The following DTNA variants were observed in gnomAD, a reference collection of about 807,000 sequenced individuals.
DTNA encodes dystrophin-related protein 3.
DTNA carries 43 observed loss-of-function variants against 100.7 expected under a neutral mutation model. The observed-to-expected ratio is 0.43, with a 90% CI of 0.33 to 0.55. The LOEUF is 0.55. DTNA is among the 20% of genes least tolerant of loss of function. The pLI, the probability that DTNA is intolerant of heterozygous loss-of-function variation, is 0.04. For synonymous variants in DTNA, 349 were observed against 347.9 expected (o/e 1.00, Z -0.04); for missense variants, 798 against 953.9 (o/e 0.84, Z 2.15).
At chr18:34,532,562 C>T (rs562411126) in intron 1 of DTNA, among the ~76,000 whole-genome samples, 35 of 151,926 alleles carry the variant, frequency 2.3e-4, no homozygotes, top group South Asian at 1.5e-3. Flanking sequence ...ACTTAACACC[C>T]GGAAGGAAGT....
chr18:34,775,988 C>T (rs954622324), intron 3 of DTNA, among the ~76,000 whole-genome samples: 9 of 152,198 alleles, frequency 5.9e-5, no homozygotes, highest in Admixed American at 5.2e-4. Context: ...ACTCCAGTGA[C>T]ATCTGTGAGA....
At chr18:34,774,121 T>G (rs905121817) in intron 3 of DTNA, among the ~76,000 whole-genome samples, 2 of 152,256 alleles carry the variant, frequency 1.3e-5, no homozygotes, top group Non-Finnish European at 2.9e-5. Flanking sequence ...AACCATCATC[T>G]TAAAATGCTC....
At chr18:34,782,577 A>C (rs1601928167) in intron 3 of DTNA, among the ~76,000 whole-genome samples, 1 of 152,208 alleles carries the variant, frequency 6.6e-6, no homozygotes, top group East Asian at 1.9e-4. Flanking sequence ...GGGACATGGC[A>C]TGTGAGTGGT....
intron 14 of DTNA, among the ~76,000 whole-genome samples, chr18:34,849,148 C>A (rs918568342): frequency 2.6e-5 from 4 of 152,036 alleles, no homozygotes; most frequent in Non-Finnish European, 4.4e-5. Flanking sequence ...GTACTGTGTG[C>A]CCCCAAAATC....
intron 1 of DTNA, among the ~76,000 whole-genome samples, chr18:34,523,485 T>G (rs1408056953): frequency 6.6e-6 from 1 of 152,150 alleles, no homozygotes; most frequent in East Asian, 1.9e-4. Flanking sequence ...CAGATTACCT[T>G]AGATAATTTA....
chr18:34,766,861 A>G (rs550002157), intron 3 of DTNA, among the ~76,000 whole-genome samples: 42 of 152,280 alleles, frequency 2.8e-4, no homozygotes, highest in Non-Finnish European at 3.8e-4. Context: ...ATTTGTTTAC[A>G]TGAGACAAAA....
At chr18:34,638,998 T>C (rs868392271) in intron 1 of DTNA, among the ~76,000 whole-genome samples, 1 of 152,138 alleles carries the variant, frequency 6.6e-6, no homozygotes, top group Non-Finnish European at 1.5e-5. Context: ...TGTGCCACCA[T>C]GTCCGGCTAA....
In DTNA at chr18:34,879,597, G is replaced by A; in HGVS notation, c.2040G>A (p.Arg680=). The A allele has an allele frequency of 6.8e-6, 11 of 1,614,038 alleles. No homozygotes were observed. The highest frequency in any genetic ancestry group is 2.2e-5 in the South Asian group (2 of 91,066). ...GTAATGTGGATTCTGAATTTGCACG[G>A]ACTCAGTTTGAGGATCTTGTTCCCT... ...TESNVDSEFA[R]TQFEDLVPSP... is the part of the protein sequence containing the mutation. Residue 680 remains arginine (R), a synonymous_variant, in exon 20 of 23, where the codon CGG becomes CGA. Transcript: ENST00000444659.
At chr18:34,835,006 A>C (rs1383297659) in intron 11 of DTNA, among the ~76,000 whole-genome samples, 1 of 152,324 alleles carries the variant, frequency 6.6e-6, no homozygotes, top group African/African-American at 2.4e-5. Flanking sequence ...ACAAGTTTTA[A>C]GTGAAACCTG....
rs1050085362 is a variant in DTNA at position 34,888,874 on chromosome 18, G to A, written c.*1140G>A. The A allele has an allele frequency of 5.4e-5, 53 of 985,766 alleles. No homozygotes were observed. The highest frequency in any genetic ancestry group is 6.1e-5 in the Admixed American group (1 of 16,264). 61.1% of individuals were successfully genotyped at this position (985,766 alleles called of 1,614,324 possible). A position where few individuals can be genotyped will look rare whatever the true frequency, so the allele number is the denominator to read the frequency against. ...CGTTTGCTCTCCTTTTTTTCTGAAT[G>A]TTGATTGCCTTAGCTGGCCACCTGG... On this transcript the variant is annotated 3_prime_UTR_variant, in exon 23 of 23. Coordinates refer to ENST00000444659, the MANE Select transcript of DTNA (RefSeq NM_001386795.1).
intron 1 of DTNA, among the ~76,000 whole-genome samples, chr18:34,509,960 C>G (rs1269493854): frequency 6.6e-6 from 1 of 151,926 alleles, no homozygotes; most frequent in Non-Finnish European, 1.5e-5. Context: ...TATTCTATTA[C>G]CAGTCTGCCA....
At chr18:34,754,738 A>T (rs372672589) in intron 1 of DTNA, among the ~76,000 whole-genome samples, 106 of 152,330 alleles carry the variant, frequency 7.0e-4, no homozygotes, top group African/African-American at 2.5e-3. Context: ...TAACATATCC[A>T]TCACCTCACC....
chr18:34,625,292 G>A (rs531948041), intron 1 of DTNA, among the ~76,000 whole-genome samples: 163 of 152,250 alleles, frequency 1.1e-3, no homozygotes, highest in Middle Eastern at 3.4e-3. Flanking sequence ...GCCTCCCAAA[G>A]TGCTGGGATT....
chr18:34,887,215 T>C (rs968020207), intron 22 of DTNA, among the ~76,000 whole-genome samples: 4 of 152,218 alleles, frequency 2.6e-5, no homozygotes, highest in Non-Finnish European at 5.9e-5. Flanking sequence ...ACCTGGTTTA[T>C]TGGTTTTCAA....
chr18:34,550,298 A>G (rs1188203859), intron 1 of DTNA, among the ~76,000 whole-genome samples: 1 of 152,152 alleles, frequency 6.6e-6, no homozygotes, highest in Non-Finnish European at 1.5e-5. Flanking sequence ...CTAAGGGACT[A>G]GTGAGCAGAG....
chr18:34,652,112 AAGG>A (rs1203927471), intron 1 of DTNA, among the ~76,000 whole-genome samples: 54 of 151,316 alleles, frequency 3.6e-4, no homozygotes, highest in African/African-American at 1.3e-3. Flanking sequence ...GGTAGGAAGG[AAGG>A]AGAGAAGAAA....
intron 4 of DTNA, among the ~76,000 whole-genome samples, 159 bp downstream of exon 4, chr18:34,794,409 T>C (rs567399390): frequency 3.8e-4 from 58 of 152,282 alleles, no homozygotes; most frequent in Admixed American, 1.3e-4. Flanking sequence ...TCCATGTGTT[T>C]AATATAAATT....
chr18:34,833,569 C>T (rs749513952), intron 11 of DTNA, among the ~76,000 whole-genome samples: 1 of 151,954 alleles, frequency 6.6e-6, no homozygotes, highest in Non-Finnish European at 1.5e-5. Context: ...TTTTTTCTTT[C>T]AGCAGATATA....
chr18:34,756,900 A>G (rs535181893), intron 2 of DTNA, among the ~76,000 whole-genome samples: 1 of 152,316 alleles, frequency 6.6e-6, no homozygotes, highest in South Asian at 2.1e-4. Context: ...AATGAGGATG[A>G]GCAAGAGTGA....
Sources: gnomAD v4.1 joint callset for allele counts (sites outside exome capture counted in the v4.1 genomes callset) on GRCh38, gnomAD v4.1.1 for gene constraint, MANE v1.5 for transcripts, NCBI Gene and HGNC (gene_info 2026-07-23, HGNC 2026-07-21) for gene names.